Variants in PPARA observed in about 807,000 individuals in gnomAD.
PPARA encodes the protein peroxisome proliferator-activated receptor alpha.
In PPARA, 22 loss-of-function variants were observed where a neutral mutation model predicts 42.2. The observed-to-expected ratio is 0.52, with a 90% CI of 0.37 to 0.74. The LOEUF is 0.74. PPARA is among the 30% of genes least tolerant of loss of function. PPARA has a pLI of 0.00. For missense variants in PPARA, 465 were observed against 608.2 expected (o/e 0.76, Z 2.48); for synonymous variants, 242 against 239.3 (o/e 1.01, Z -0.10).
At chr22:46,154,665 TTTTA>T (rs923966375) in intron 2 of PPARA, among the ~76,000 whole-genome samples, 1 of 151,890 alleles carries the variant, frequency 6.6e-6, no homozygotes, top group Non-Finnish European at 1.5e-5. Flanking sequence ...GTGTTTTTAA[TTTTA>T]TTTATTTATT....
rs1935351242 is a variant in PPARA, at chr22:46,225,558, C to T, written c.711+5544C>T. Among the ~76,000 whole-genome samples the T allele has an allele frequency of 6.6e-6, 1 of 152,084 alleles. No homozygotes were observed. The highest frequency in any genetic ancestry group is 1.5e-5 in the Non-Finnish European group (1 of 67,994). On this transcript the variant is annotated intron_variant, in intron 7 of 8. Transcript: ENST00000407236. The surrounding 1 kb of genome is among the most constrained non-coding windows in gnomAD (Gnocchi z 4.1). ...GTGCACACACGGGTACACACACATA[C>T]ACGTGCACCCACATGCATGCTCACA...
At position 46,190,831 on chromosome 22, in the gene PPARA, T is replaced by C. The variant is rs777514305; in HGVS notation, c.-42-7511T>C. ...CTTGAGTGTCTGATCACATAGAATA[T>C]AAAGATGTTTTGATAGTTGGGACAG... On this transcript the variant is annotated intron_variant, in intron 3 of 8. Coordinates refer to ENST00000407236, the MANE Select transcript of PPARA (RefSeq NM_005036.6). The surrounding 1 kb of genome is among the most constrained non-coding windows in gnomAD (Gnocchi z 5.6). Among the ~76,000 whole-genome samples, 6 of 152,142 alleles carry C rather than the reference T, an allele frequency of 3.9e-5. No individual in the cohort carries two copies. Among genetic ancestry groups the C allele is most frequent in the African/African-American group, 9.7e-5 (4 of 41,440 alleles).
rs1441683677 is a variant in PPARA at position 46,171,151 on chromosome 22, ACT to A, written c.-126-5599_-126-5598del. The A allele has an allele frequency of 6.6e-6, 1 of 151,570 alleles. No homozygotes were observed. Among genetic ancestry groups the A allele is most frequent in the Admixed American group, 6.6e-5 (1 of 15,140 alleles). The allele number at this position is 151,570 out of a possible 1,614,324, so 9.4% of individuals were successfully genotyped here. A position where few individuals can be genotyped will look rare whatever the true frequency, so the allele number is the denominator to read the frequency against. ...ACTCCAGCCTGGGCAACAGAGCAAG[ACT>A]CTGTCTCATAAAAAAAGAAAAAAAA... On this transcript the variant is annotated intron_variant, in intron 2 of 8. Transcript: ENST00000407236. This position sits in a 1 kb window ranked among gnomAD's most constrained non-coding sequence, Gnocchi z 5.0.
intron 2 of PPARA, among the ~76,000 whole-genome samples, chr22:46,153,001 G>A (rs1008744785): frequency 2.0e-5 from 3 of 152,174 alleles, no homozygotes; most frequent in African/African-American, 2.4e-5. Context: ...CAGGAGAATC[G>A]CTTGAGCCTG....
At position 46,235,585 on chromosome 22, in the gene PPARA, G is replaced by A; in HGVS notation, c.*205G>A. On this transcript the variant is annotated 3_prime_UTR_variant, in exon 9 of 9. Transcript: ENST00000407236. This position sits in a 1 kb window ranked among gnomAD's most constrained non-coding sequence, Gnocchi z 7.0. ...AGAGCATAGAACTCAAATGCTGGGGGTAGGTGGCTAATCTCAGGACTGGGA... is the reference window on the plus strand; with the variant it reads ...AGAGCATAGAACTCAAATGCTGGGGATAGGTGGCTAATCTCAGGACTGGGA... 3.0e-6 allele frequency: 2 copies of A among 658,784 alleles called. No homozygotes were observed. The highest frequency in any genetic ancestry group is 5.6e-5 in the Admixed American group (2 of 36,012). 40.8% of individuals were successfully genotyped at this position (658,784 alleles called of 1,614,324 possible). A position where few individuals can be genotyped will look rare whatever the true frequency, so the allele number is the denominator to read the frequency against.
intron 2 of PPARA, among the ~76,000 whole-genome samples, chr22:46,176,357 G>T (rs774859140): frequency 1.3e-5 from 2 of 151,924 alleles, no homozygotes; most frequent in Non-Finnish European, 2.9e-5. Context: ...ATGCTGGCAT[G>T]TGCCTGCAAT....
At chr22:46,185,917 ATATATATATATATATATATATATAT>A (rs1930684369) in intron 3 of PPARA, among the ~76,000 whole-genome samples, 1 of 10,098 alleles carries the variant, frequency 9.9e-5, no homozygotes, top group African/African-American at 3.2e-4. Context: ...AAAAAAAAAA[ATATATATATATATATATATATATAT>A]ATATATATAT....
intron 2 of PPARA, among the ~76,000 whole-genome samples, chr22:46,168,039 A>C (rs1927341669): frequency 6.6e-6 from 1 of 151,962 alleles, no homozygotes; most frequent in Admixed American, 6.6e-5. Flanking sequence ...CCACAGAGTA[A>C]GACTAAGACT....
At chr22:46,185,958 TATATATAC>T (rs1368149328) in intron 3 of PPARA, among the ~76,000 whole-genome samples, 1,791 of 54,042 alleles carry the variant, frequency 0.033, 284 homozygotes, top group Non-Finnish European at 0.047. Context: ...TATATATATA[TATATATAC>T]ACACACACTA....
chr22:46,213,443 C>T (rs927653300), intron 4 of PPARA, among the ~76,000 whole-genome samples: 1 of 143,868 alleles, frequency 7.0e-6, no homozygotes, highest in Non-Finnish European at 1.5e-5. Flanking sequence ...GAGTCTTGCT[C>T]TGTCGCCAGG....
chr22:46,177,854 G>A (rs1929394982), intron 3 of PPARA, among the ~76,000 whole-genome samples: 1 of 152,184 alleles, frequency 6.6e-6, no homozygotes, highest in African/African-American at 2.4e-5. Context: ...AACCTCAGGT[G>A]TGTAACCAGT....
At chr22:46,198,910 C>T (rs904967076) in intron 4 of PPARA, among the ~76,000 whole-genome samples, 5 of 152,160 alleles carry the variant, frequency 3.3e-5, no homozygotes, top group African/African-American at 4.8e-5. Context: ...CTGCCCGCCT[C>T]GGCCTCCTAA....
In PPARA at chr22:46,191,709, G is replaced by A. The variant is rs1250711237; in HGVS notation, c.-42-6633G>A. On this transcript the variant is annotated intron_variant, in intron 3 of 8. Transcript: ENST00000407236. The surrounding 1 kb of genome is among the most constrained non-coding windows in gnomAD (Gnocchi z 4.6). ...GACAGAGCTGAGGTGAATTCTCACA[G>A]ACCATCACTGGGTTACTCCTGGAGT... is the stretch of plus-strand genomic sequence containing the variant. Among the ~76,000 whole-genome samples the A allele has an allele frequency of 6.6e-6, 1 of 152,176 alleles. No homozygotes were observed. Among genetic ancestry groups the A allele is most frequent in the African/African-American group, 2.4e-5 (1 of 41,438 alleles).
intron 2 of PPARA, chr22:46,154,907 C>T (rs1601587387): frequency 7.0e-6 from 1 of 143,500 alleles, no homozygotes; most frequent in Non-Finnish European, 1.5e-5. Flanking sequence ...CTCCTGGGCT[C>T]AAGCCATCCT....
chr22:46,152,162 G>C (rs1461341554), intron 2 of PPARA, among the ~76,000 whole-genome samples, 192 bp downstream of exon 2: 1 of 129,038 alleles, frequency 7.7e-6, no homozygotes, highest in Non-Finnish European at 1.6e-5. Flanking sequence ...TTTTTGAGAC[G>C]GAGTCTCGCT....
intron 3 of PPARA, among the ~76,000 whole-genome samples, chr22:46,197,047 G>GTTTGGT (rs998622894): frequency 1.4e-4 from 20 of 148,054 alleles, no homozygotes; most frequent in African/African-American, 5.0e-4. Context: ...TTTGGTTTTG[G>GTTTGGT]TTTGGTTTTG....
chr22:46,217,293 A>G (rs1934579073), intron 5 of PPARA, among the ~76,000 whole-genome samples: 1 of 152,200 alleles, frequency 6.6e-6, no homozygotes, highest in Non-Finnish European at 1.5e-5. Context: ...GAATGACTTA[A>G]AAGCAAAGAG....
Position 46,235,311 on chromosome 22 carries a change from C to A in PPARA, c.1338C>A (p.Ile446=), listed in dbSNP as rs1936147781. 2 of 1,614,130 alleles carry A rather than the reference C, an allele frequency of 1.2e-6. No homozygotes were observed. The highest frequency in any genetic ancestry group is 2.2e-5 in the South Asian group (2 of 91,072). The change falls in exon 9 of 9, where the codon ATC becomes ATA. Residue 446 remains isoleucine, a synonymous_variant. Coordinates refer to ENST00000407236, the MANE Select transcript of PPARA (RefSeq NM_005036.6). The surrounding 1 kb of genome is among the most constrained non-coding windows in gnomAD (Gnocchi z 7.0). ...LVTEHAQLVQ[I]IKKTESDAAL... ...CGGAGCATGCGCAGCTGGTGCAGAT[C>A]ATCAAGAAGACGGAGTCGGATGCTG...
chr22:46,174,103 A>G (rs546838019), intron 2 of PPARA, among the ~76,000 whole-genome samples: 59 of 151,030 alleles, frequency 3.9e-4, no homozygotes, highest in African/African-American at 1.3e-3. Context: ...GCTTGAACCC[A>G]GGAGGCAGAG....
Sources: allele counts gnomAD v4.1 joint callset (sites outside exome capture counted in the v4.1 genomes callset), GRCh38; gene constraint gnomAD v4.1.1; non-coding constraint Gnocchi (gnomAD v3.1); transcripts MANE v1.5; gene names NCBI Gene and HGNC (gene_info 2026-07-23, HGNC 2026-07-21).